PTPRN2: variants seen among roughly 807,000 people sequenced by gnomAD.
PTPRN2 encodes the protein protein tyrosine phosphatase receptor type N2.
PTPRN2 carries 74 observed loss-of-function variants against 118.8 expected under a neutral mutation model. The observed-to-expected ratio is 0.62, with a 90% confidence interval of 0.52 to 0.76. PTPRN2 has a LOEUF of 0.76. PTPRN2 is among the 30% of genes least tolerant of loss of function. PTPRN2 has a pLI of 0.00. For missense variants in PTPRN2, 1,481 were observed against 1,394.4 expected (o/e 1.06, Z -0.99); for synonymous variants, 641 against 608.0 (o/e 1.05, Z -0.80).
At chr7:157,806,211 A>G (rs1462182097) in intron 12 of PTPRN2, among the ~76,000 whole-genome samples, 1 of 152,220 alleles carries the variant, frequency 6.6e-6, no homozygotes, top group African/African-American at 2.4e-5. Context: ...AGCATCCCAA[A>G]TACAAAAATC....
intron 2 of PTPRN2, among the ~76,000 whole-genome samples, chr7:158,401,639 A>G (rs961111559): frequency 6.6e-6 from 1 of 152,288 alleles, no homozygotes; most frequent in African/African-American, 2.4e-5. Flanking sequence ...GGGAAATGCT[A>G]GTTTAATAAC....
chr7:158,341,805 C>T (rs1359827204), intron 2 of PTPRN2, among the ~76,000 whole-genome samples: 2 of 135,392 alleles, frequency 1.5e-5, no homozygotes, highest in East Asian at 4.5e-4. Context: ...CACACTCTCA[C>T]CGTAAGAGGT....
intron 3 of PTPRN2, among the ~76,000 whole-genome samples, chr7:158,289,186 T>C (rs1799949956): frequency 6.6e-6 from 1 of 152,250 alleles, no homozygotes; most frequent in Admixed American, 6.5e-5. Flanking sequence ...AGACTTTTGA[T>C]CTTCCTGTAC....
At chr7:157,992,405 C>T (rs966245945) in intron 11 of PTPRN2, among the ~76,000 whole-genome samples, 1 of 152,176 alleles carries the variant, frequency 6.6e-6, no homozygotes, top group African/African-American at 2.4e-5. Context: ...TGAGCTTCTG[C>T]CTGTGGGAAG....
intron 12 of PTPRN2, among the ~76,000 whole-genome samples, chr7:157,744,731 G>C (rs938558961): frequency 6.6e-6 from 1 of 152,168 alleles, no homozygotes; most frequent in East Asian, 1.9e-4. Context: ...CCCAAGGACA[G>C]GTCTGTCTGC....
At chr7:158,442,055 ATGGTGATGGCAGTGGTGGCAGTGG>A (rs1428367037) in intron 2 of PTPRN2, among the ~76,000 whole-genome samples, 334 of 124,634 alleles carry the variant, frequency 2.7e-3, no homozygotes, top group African/African-American at 9.6e-3. Context: ...AGTGGTGGTG[ATGGTGATGGCAGTGGTGGCAGTGG>A]TGGTGATGGT....
chr7:158,006,928 C>A lies in PTPRN2; in HGVS notation c.1723+74370G>T, dbSNP rs999023232. 2.6e-5 allele frequency among the ~76,000 whole-genome samples: 4 copies of A among 152,278 alleles called. No homozygotes were observed. In the East Asian group the frequency reaches 7.7e-4, roughly 29 times the overall value. On this transcript the variant is annotated intron_variant, in intron 11 of 22. Transcript: ENST00000389418. ...CCTCTGGCGGGAAGCCTGCTAGTCT[C>A]CCTAGGGCTGCCCTAACAAGCCTCA...
intron 16 of PTPRN2, among the ~76,000 whole-genome samples, chr7:157,600,891 T>C (rs965958035): frequency 3.3e-5 from 5 of 152,214 alleles, no homozygotes; most frequent in Admixed American, 2.6e-4. Flanking sequence ...TCTCTTCTTT[T>C]TCTGAAAAGC....
rs149133124 is a variant in PTPRN2, at chr7:157,854,813, C to T, written c.1788+43860G>A. The T allele has an allele frequency of 4.3e-3, 676 of 158,346 alleles. 18 individuals are homozygous for T. In the South Asian group the frequency reaches 0.054, roughly 13 times the overall value. The allele number at this position is 158,346 out of a possible 1,614,324, so 9.8% of individuals were successfully genotyped here. A position where few individuals can be genotyped will look rare whatever the true frequency, so the allele number is the denominator to read the frequency against. Reference sequence around the variant, plus strand: ...CCAGGACAATGCAGAACAGACAGGACGTTTCACAGAGCAGGCTGCCATGTC... The same window carrying T: ...CCAGGACAATGCAGAACAGACAGGATGTTTCACAGAGCAGGCTGCCATGTC... On this transcript the variant is annotated intron_variant, in intron 12 of 22. Transcript: ENST00000389418.
chr7:158,587,444 C>CA (rs1346544630), intron 1 of PTPRN2, 114 bp downstream of exon 1: 2 of 507,412 alleles, frequency 3.9e-6, no homozygotes, highest in East Asian at 2.8e-4. Context: ...GCCTCTCCCC[C>CA]CGACCCCTCA....
chr7:158,479,080 TAAAGAACAGAGGC>T (rs1319832128), intron 2 of PTPRN2, among the ~76,000 whole-genome samples: 7 of 151,332 alleles, frequency 4.6e-5, no homozygotes. Context: ...GCAGAAGAGG[TAAAGAACAGAGGC>T]CGGAGATGCA....
intron 12 of PTPRN2, among the ~76,000 whole-genome samples, chr7:157,885,864 C>A (rs1042681469): frequency 4.6e-5 from 7 of 152,218 alleles, no homozygotes; most frequent in African/African-American, 1.7e-4. Context: ...CTGCCTCAGT[C>A]TCCCCTCTGT....
At chr7:157,744,512 T>C (rs1302127285) in intron 12 of PTPRN2, among the ~76,000 whole-genome samples, 1 of 152,240 alleles carries the variant, frequency 6.6e-6, no homozygotes, top group African/African-American at 2.4e-5. Context: ...AATTCCATTT[T>C]AATATTAAAA....
rs926877438 is a variant in PTPRN2, at chr7:157,583,460, G to C, written c.2497-5320C>G. Among the ~76,000 whole-genome samples, 10 of 152,114 alleles carry C rather than the reference G, an allele frequency of 6.6e-5. No individual in the cohort carries two copies. The highest frequency in any genetic ancestry group is 1.3e-4 in the Non-Finnish European group (9 of 67,996). On this transcript the variant is annotated intron_variant, in intron 17 of 22. Transcript: ENST00000389418. This position sits in a 1 kb window ranked among gnomAD's most constrained non-coding sequence, Gnocchi z 5.5. Reference sequence around the variant, plus strand: ...AGATTTGCCAGGAGAGTAGGCTTCAGGTGCTTCACCACACACAAAGAAACG... The same window carrying C: ...AGATTTGCCAGGAGAGTAGGCTTCACGTGCTTCACCACACACAAAGAAACG...
intron 12 of PTPRN2, among the ~76,000 whole-genome samples, chr7:157,828,894 T>G (rs1442280427): frequency 6.6e-6 from 1 of 152,270 alleles, no homozygotes; most frequent in Non-Finnish European, 1.5e-5. Flanking sequence ...GCAAGCCGTT[T>G]GGAGTCACCA....
At chr7:157,945,129 G>C (rs985918889) in intron 11 of PTPRN2, among the ~76,000 whole-genome samples, 8 of 152,152 alleles carry the variant, frequency 5.3e-5, no homozygotes, top group Non-Finnish European at 1.0e-4. Flanking sequence ...AGAGGTCAGA[G>C]ACAGAGCAGG....
chr7:158,089,953 C>T (rs1479199807), intron 10 of PTPRN2, among the ~76,000 whole-genome samples: 1 of 42,044 alleles, frequency 2.4e-5, no homozygotes, highest in African/African-American at 4.4e-5. Flanking sequence ...AACCCTTCCT[C>T]CCCTGACGAA....
chr7:157,819,496 C>T (rs1563142182), intron 12 of PTPRN2, among the ~76,000 whole-genome samples: 3 of 151,722 alleles, frequency 2.0e-5, no homozygotes, highest in African/African-American at 7.3e-5. Context: ...ACCGAGCGGC[C>T]GCAGCACAGC....
At chr7:158,159,444 T>A (rs1822163452) in intron 6 of PTPRN2, among the ~76,000 whole-genome samples, 1 of 152,198 alleles carries the variant, frequency 6.6e-6, no homozygotes, top group Admixed American at 6.5e-5. Flanking sequence ...ATATCAGGTA[T>A]GTTGGGATGA....
Sources: gnomAD v4.1 joint callset for allele counts (sites outside exome capture counted in the v4.1 genomes callset) on GRCh38, gnomAD v4.1.1 for gene constraint, Gnocchi (gnomAD v3.1) non-coding constraint, MANE v1.5 for transcripts, NCBI Gene and HGNC (gene_info 2026-07-23, HGNC 2026-07-21) for gene names.